VRK2: variants seen among roughly 807,000 people sequenced by gnomAD.
VRK2 encodes VRK serine/threonine kinase 2, also known as serine/threonine-protein kinase VRK2.
In VRK2, 60 loss-of-function variants were observed where a neutral mutation model predicts 57.6. The observed-to-expected ratio is 1.04, with a 90% CI of 0.85 to 1.29. The LOEUF (loss-of-function observed/expected upper bound fraction) is 1.29. VRK2 is among the 50% of genes most tolerant of loss of function. The probability of loss-of-function intolerance (pLI) is 0.00; values close to 1 mark genes in which losing one functional copy is unlikely to be tolerated. For synonymous variants in VRK2, 231 were observed against 199.2 expected, an observed-to-expected ratio of 1.16 and a Z score of -1.35; for missense variants, 705 against 588.1, an observed-to-expected ratio of 1.20 and a Z score of -2.06.
chr2:58,159,000 A>ATCTT (rs901816601), intron 12 of VRK2, among the ~76,000 whole-genome samples: 2 of 152,132 alleles, frequency 1.3e-5, no homozygotes, highest in African/African-American at 4.8e-5. Context: ...AATTATGGCT[A>ATCTT]TCTTACCCCC....
intron 2 of VRK2, among the ~76,000 whole-genome samples, chr2:58,031,906 A>C (rs1269080293): frequency 1.3e-5 from 2 of 152,132 alleles, no homozygotes; most frequent in Non-Finnish European, 2.9e-5. Context: ...TGAGTAGAAC[A>C]GTAGACACTA....
intron 1 of VRK2, among the ~76,000 whole-genome samples, chr2:58,006,968 C>T (rs1673266813): frequency 6.6e-6 from 1 of 152,036 alleles, no homozygotes; most frequent in African/African-American, 2.4e-5. Context: ...GGCTGGGTCC[C>T]CTTGAGGAAG....
intron 1 of VRK2, among the ~76,000 whole-genome samples, chr2:57,993,580 T>C (rs1376209614): frequency 6.6e-6 from 1 of 152,240 alleles, no homozygotes; most frequent in Non-Finnish European, 1.5e-5. Flanking sequence ...TGCCTTGAAC[T>C]AGATTCATTC....
intron 7 of VRK2, among the ~76,000 whole-genome samples, chr2:58,102,781 A>G (rs1205206563): frequency 6.6e-6 from 1 of 151,702 alleles, no homozygotes. Context: ...TGCAGAATAT[A>G]CATTTTACTC....
chr2:57,954,277 A>T (rs1418700474), intron 1 of VRK2, among the ~76,000 whole-genome samples: 9 of 152,098 alleles, frequency 5.9e-5, no homozygotes, highest in Non-Finnish European at 7.4e-5. Flanking sequence ...AATCCATATG[A>T]CCTCATTATG....
In VRK2 at chr2:57,924,838, G is replaced by T. The variant is rs376859007; in HGVS notation, c.-439+16999G>T. Reference sequence around the variant, plus strand: ...CCAATCTATGTGATACTAACTGTGGGTCTGTCATATATGGCCTTTATTATG... The same window carrying T: ...CCAATCTATGTGATACTAACTGTGGTTCTGTCATATATGGCCTTTATTATG... On this transcript the variant is annotated intron_variant, in intron 1 of 15. Coordinates refer to the VRK2 transcript ENST00000417641. Among the ~76,000 whole-genome samples the T allele has an allele frequency of 4.6e-5, 7 of 151,906 alleles. No individual in the cohort carries two copies. The East Asian group carries it at 1.2e-3, about 25-fold the overall frequency.
chr2:58,080,907 C>G (rs545283706), intron 2 of VRK2, among the ~76,000 whole-genome samples: 57 of 151,910 alleles, frequency 3.8e-4, no homozygotes, highest in Non-Finnish European at 7.2e-4. Flanking sequence ...ATATTAGATG[C>G]TTAAAAAATT....
At chr2:58,123,461 A>G (rs538905085) in intron 8 of VRK2, among the ~76,000 whole-genome samples, 1 of 152,332 alleles carries the variant, frequency 6.6e-6, no homozygotes, top group African/African-American at 2.4e-5. Flanking sequence ...TGTGTCAAGT[A>G]AGCAAAACTT....
At chr2:57,914,021 C>T (rs1019079013) in intron 1 of VRK2, among the ~76,000 whole-genome samples, 1 of 151,920 alleles carries the variant, frequency 6.6e-6, no homozygotes, top group Non-Finnish European at 1.5e-5. Context: ...TTGCTTAATA[C>T]ATTAAAGAGA....
intron 8 of VRK2, among the ~76,000 whole-genome samples, chr2:58,126,648 A>G (rs371911150): frequency 3.9e-5 from 6 of 152,058 alleles, no homozygotes; most frequent in Non-Finnish European, 7.4e-5. Flanking sequence ...TCCAAACTCA[A>G]TTCTCTTGTG....
chr2:58,023,357 G>T (rs916427372), intron 1 of VRK2, among the ~76,000 whole-genome samples: 9 of 152,124 alleles, frequency 5.9e-5, no homozygotes, highest in Non-Finnish European at 1.0e-4. Flanking sequence ...GTGTGTGTTT[G>T]TATGTGTGCA....
At chr2:58,052,490 G>A (rs1158473869) in intron 2 of VRK2, among the ~76,000 whole-genome samples, 1 of 151,552 alleles carries the variant, frequency 6.6e-6, no homozygotes, top group Non-Finnish European at 1.5e-5. Context: ...TGTAGTCCCA[G>A]TACTCAGGAG....
chr2:57,974,028 C>T (rs115671449), intron 1 of VRK2, among the ~76,000 whole-genome samples: 341 of 151,676 alleles, frequency 2.2e-3, no homozygotes, highest in Middle Eastern at 3.4e-3. Context: ...TAGACATGTT[C>T]CAGAAAATGA....
chr2:58,156,608 G>A lies in VRK2; in HGVS notation c.1183-2741G>A, dbSNP rs1355647616. ...TTTTTGTTTTGTTTTGTTTTGTTTT[G>A]TTTTGTTTTTGCCTGACCTCTAGTT... On this transcript the variant is annotated intron_variant, in intron 12 of 12. Transcript: ENST00000340157. 1.4e-3 allele frequency among the ~76,000 whole-genome samples: 211 copies of A among 149,488 alleles called. 1 individual carries two copies. Among genetic ancestry groups the A allele is most frequent in the African/African-American group, 5.1e-3 (203 of 39,586 alleles).
intron 1 of VRK2, among the ~76,000 whole-genome samples, chr2:57,998,590 TCCTA>T (rs1672995546): frequency 6.6e-6 from 1 of 152,164 alleles, no homozygotes; most frequent in African/African-American, 2.4e-5. Context: ...TAGGAGATTC[TCCTA>T]CCAAAATTAA....
At chr2:58,071,800 A>G (rs1669395718) in intron 2 of VRK2, among the ~76,000 whole-genome samples, 3 of 151,990 alleles carry the variant, frequency 2.0e-5, no homozygotes, top group Non-Finnish European at 4.4e-5. Context: ...TTTAGAATCA[A>G]TTTGTTGATA....
chr2:58,154,771 G>A (rs1683543972), intron 12 of VRK2: 1 of 717,344 alleles, frequency 1.4e-6, no homozygotes, highest in Non-Finnish European at 2.6e-6. Flanking sequence ...AGAAGCTTAG[G>A]CTATTGATTT....
intron 1 of VRK2, among the ~76,000 whole-genome samples, chr2:58,007,876 A>G (rs1343169100): frequency 6.6e-6 from 1 of 152,186 alleles, no homozygotes. Flanking sequence ...TTCTAAATGT[A>G]TGTGCCTCCA....
At chr2:57,933,009 T>C (rs1156952512) in intron 1 of VRK2, among the ~76,000 whole-genome samples, 1 of 152,108 alleles carries the variant, frequency 6.6e-6, no homozygotes, top group East Asian at 1.9e-4. Context: ...TGATTTCTAG[T>C]TTTGTATTTT....
Sources: gnomAD v4.1 joint callset for allele counts (sites outside exome capture counted in the v4.1 genomes callset) on GRCh38, gnomAD v4.1.1 for gene constraint, MANE v1.5 for transcripts, NCBI Gene and HGNC (gene_info 2026-07-23, HGNC 2026-07-21) for gene names.